Variants in DACH2 observed in about 807,000 individuals in gnomAD.
The protein encoded by DACH2 is dachshund family transcription factor 2.
Under a neutral mutation model 35.8 loss-of-function variants are expected in DACH2, and 17 were observed. The ratio of observed to expected loss-of-function variants is 0.48; its 90% CI spans 0.33 to 0.71. DACH2 has a LOEUF of 0.71. Ranked by LOEUF, DACH2 falls within the 30% of genes least tolerant of loss-of-function variation. The pLI is 0.02. For synonymous variants in DACH2, 195 were observed against 177.3 expected (o/e 1.10, Z -0.79); for missense variants, 469 against 472.7 (o/e 0.99, Z 0.07).
intron 3 of DACH2, among the ~76,000 whole-genome samples, chrX:86,628,633 T>C (rs181603544): frequency 9.9e-4 from 112 of 112,712 alleles, no homozygotes; most frequent in Non-Finnish European, 1.8e-3. Context: ...TTAAGTAGTA[T>C]ACACATATTT....
intron 1 of DACH2, among the ~76,000 whole-genome samples, chrX:86,214,832 A>G (rs2032532037): frequency 8.9e-6 from 1 of 111,858 alleles, no homozygotes; most frequent in Non-Finnish European, 1.9e-5. Context: ...AAGAAAATAC[A>G]TAGTCATTTG....
intron 4 of DACH2, among the ~76,000 whole-genome samples, chrX:86,692,498 C>G (rs993594039): frequency 8.1e-5 from 9 of 111,619 alleles, no homozygotes; most frequent in African/African-American, 2.9e-4. Flanking sequence ...ATTTTAAAAA[C>G]ATTTCTATTC....
At position 86,651,132 on chromosome X, in the gene DACH2, C is replaced by T; in HGVS notation, c.737C>T (p.Thr246Ile). 8.3e-7 allele frequency: 1 copy of T among 1,209,386 alleles called. No individual in the cohort carries two copies. Among genetic ancestry groups the T allele is most frequent in the Non-Finnish European group, 1.1e-6 (1 of 894,348 alleles). The change falls in exon 4 of 12, where the codon ACC (threonine) becomes ATC (isoleucine). Residue 246 changes from threonine to isoleucine, a missense_variant. Coordinates refer to ENST00000373125, the MANE Select transcript of DACH2 (RefSeq NM_053281.3). ...TLQGNGSQNGTESEPDDLNSN... is the reference protein window; with the variant it reads ...TLQGNGSQNGIESEPDDLNSN... ...CAGGGAAATGGAAGCCAAAATGGGA[C>T]CGAATCAGAGCCTGATGATCTTAAT...
chrX:86,403,608 C>T (rs912698064), intron 2 of DACH2, among the ~76,000 whole-genome samples: 7 of 111,924 alleles, frequency 6.3e-5, no homozygotes, highest in Admixed American at 1.9e-4. Flanking sequence ...TAAATCAGTT[C>T]AGCCACTGGG....
intron 1 of DACH2, among the ~76,000 whole-genome samples, chrX:86,209,989 T>C (rs757538822): frequency 1.8e-5 from 2 of 111,526 alleles, no homozygotes; most frequent in South Asian, 7.5e-4. Context: ...GAAAAGAAGG[T>C]GACTGTGCTT....
chrX:86,683,731 T>C (rs920512013), intron 4 of DACH2, among the ~76,000 whole-genome samples: 2 of 111,614 alleles, frequency 1.8e-5, no homozygotes, highest in African/African-American at 6.5e-5. Context: ...ACTTAAATGA[T>C]AACAGCTTAC....
chrX:86,326,512 CATAT>C (rs368452832), intron 1 of DACH2, among the ~76,000 whole-genome samples: 10,003 of 102,728 alleles, frequency 0.097, 464 homozygotes, highest in South Asian at 0.24. Flanking sequence ...CACACACACA[CATAT>C]ATATATATAT....
At chrX:86,495,624 A>G (rs2148250747) in intron 2 of DACH2, among the ~76,000 whole-genome samples, 1 of 109,864 alleles carries the variant, frequency 9.1e-6, no homozygotes, top group East Asian at 2.9e-4. Flanking sequence ...AGCCTGGGCA[A>G]CATAGTGAGA....
At chrX:86,427,377 C>T (rs1024746016) in intron 2 of DACH2, among the ~76,000 whole-genome samples, 5 of 110,938 alleles carry the variant, frequency 4.5e-5, no homozygotes, top group African/African-American at 6.5e-5. Context: ...GATTAGTTCC[C>T]CCACTCGAGG....
At chrX:86,306,087 C>G (rs981259607) in intron 1 of DACH2, among the ~76,000 whole-genome samples, 3 of 112,043 alleles carry the variant, frequency 2.7e-5, no homozygotes, top group African/African-American at 9.7e-5. Context: ...AACAATCCTA[C>G]TGCTGAATAT....
intron 1 of DACH2, among the ~76,000 whole-genome samples, chrX:86,183,110 A>T (rs767434645): frequency 8.5e-4 from 95 of 111,863 alleles, no homozygotes; most frequent in African/African-American, 3.0e-3. Context: ...ATGTACAATC[A>T]TGTCATCTGC....
intron 6 of DACH2, among the ~76,000 whole-genome samples, chrX:86,734,268 A>T (rs1335987077): frequency 9.0e-6 from 1 of 110,933 alleles, no homozygotes; most frequent in Non-Finnish European, 1.9e-5. Flanking sequence ...TACATATTCC[A>T]GCTGCACCCC....
intron 3 of DACH2, among the ~76,000 whole-genome samples, chrX:86,640,999 G>C: frequency 8.9e-6 from 1 of 112,356 alleles, no homozygotes; most frequent in Non-Finnish European, 1.9e-5. Flanking sequence ...ACACAGAGAT[G>C]AGAAAGAACC....
At chrX:86,429,535 A>ATTTCCTTTCTTTTCT (rs2036949038) in intron 2 of DACH2, among the ~76,000 whole-genome samples, 1 of 101,492 alleles carries the variant, frequency 9.9e-6, no homozygotes, top group African/African-American at 3.7e-5. Flanking sequence ...TCTAGAGTGC[A>ATTTCCTTTCTTTTCT]TTTCTTTTCT....
chrX:86,526,568 T>A (rs915484468), intron 3 of DACH2, among the ~76,000 whole-genome samples: 15 of 111,261 alleles, frequency 1.3e-4, no homozygotes, highest in African/African-American at 2.0e-4. Context: ...AAATGGTAGT[T>A]CTTAGTAACA....
At chrX:86,173,129 A>G (rs754201148) in intron 1 of DACH2, among the ~76,000 whole-genome samples, 3 of 111,842 alleles carry the variant, frequency 2.7e-5, no homozygotes, top group Non-Finnish European at 5.6e-5. Flanking sequence ...TAGAGAAAAC[A>G]TATACACATA....
At chrX:86,531,395 T>G (rs2038718457) in intron 3 of DACH2, among the ~76,000 whole-genome samples, 1 of 111,185 alleles carries the variant, frequency 9.0e-6, no homozygotes, top group Non-Finnish European at 1.9e-5. Context: ...TTCTGTGGGG[T>G]GGGCCTAAGG....
intron 3 of DACH2, among the ~76,000 whole-genome samples, chrX:86,582,707 G>A (rs1265328577): frequency 9.1e-6 from 1 of 110,364 alleles, no homozygotes; most frequent in Non-Finnish European, 1.9e-5. Context: ...ATCTGAAATT[G>A]AGTCAGTAAT....
At chrX:86,414,503 G>A (rs930133905) in intron 2 of DACH2, among the ~76,000 whole-genome samples, 8 of 111,432 alleles carry the variant, frequency 7.2e-5, no homozygotes, top group African/African-American at 2.6e-4. Context: ...CCTACTGTTA[G>A]ATCTGACATA....
Sources: gnomAD v4.1 joint callset for allele counts (sites outside exome capture counted in the v4.1 genomes callset) on GRCh38, gnomAD v4.1.1 for gene constraint, MANE v1.5 for transcripts, NCBI Gene and HGNC (gene_info 2026-07-23, HGNC 2026-07-21) for gene names.